The following CATSPERB variants were observed in gnomAD, a reference collection of about 807,000 sequenced individuals.
The protein encoded by CATSPERB is catsper channel auxiliary subunit beta, also known as cation channel sperm-associated auxiliary subunit beta.
In CATSPERB, 93 loss-of-function variants were observed where a neutral mutation model predicts 128.3. The observed-to-expected ratio is 0.72, with a 90% CI of 0.61 to 0.86. The LOEUF is 0.86. Ranked by LOEUF, CATSPERB falls within the 40% of genes least tolerant of loss-of-function variation. The probability of loss-of-function intolerance (pLI) is 0.00; values close to 1 mark genes in which losing one functional copy is unlikely to be tolerated. For missense variants in CATSPERB, 1,153 were observed against 1,329.5 expected, an observed-to-expected ratio of 0.87 and a Z score of 2.06; for synonymous variants, 381 against 448.8, an observed-to-expected ratio of 0.85 and a Z score of 1.91.
chr14:91,605,456 A>C, intron 22 of CATSPERB: 1 of 456,656 alleles, frequency 2.2e-6, no homozygotes, highest in Non-Finnish European at 3.9e-6. Flanking sequence ...GTTGGGATGA[A>C]GTGAGTCGCC....
At chr14:91,600,981 G>T (rs879521228) in intron 22 of CATSPERB, among the ~76,000 whole-genome samples, 5 of 152,342 alleles carry the variant, frequency 3.3e-5, no homozygotes, top group Admixed American at 3.3e-4. Flanking sequence ...ATATTGATAA[G>T]ATTTCTGAGA....
chr14:91,660,586 A>G (rs1190227617), intron 14 of CATSPERB, among the ~76,000 whole-genome samples: 2 of 152,232 alleles, frequency 1.3e-5, no homozygotes, highest in Non-Finnish European at 2.9e-5. Context: ...TCAATTCTGT[A>G]TTATGATTCC....
chr14:91,581,493 C>T (rs1214015239), intron 26 of CATSPERB, among the ~76,000 whole-genome samples: 2 of 152,192 alleles, frequency 1.3e-5, no homozygotes, highest in African/African-American at 4.8e-5. Context: ...TGGATCATGA[C>T]GAATAAGTAG....
chr14:91,720,671 C>A (rs1220032687), intron 4 of CATSPERB, among the ~76,000 whole-genome samples: 1 of 152,104 alleles, frequency 6.6e-6, no homozygotes, highest in Non-Finnish European at 1.5e-5. Context: ...AATGTATCTA[C>A]AGATTCAATA....
intron 17 of CATSPERB, among the ~76,000 whole-genome samples, chr14:91,635,196 G>T (rs1037786975): frequency 1.3e-5 from 2 of 151,958 alleles, no homozygotes; most frequent in African/African-American, 4.8e-5. Flanking sequence ...CCTACCAAGG[G>T]CCCCACCTCC....
chr14:91,604,841 T>G, intron 22 of CATSPERB: 1 of 1,506,000 alleles, frequency 6.6e-7, no homozygotes, highest in Admixed American at 1.7e-5. Flanking sequence ...ATTGCTATTC[T>G]TTGGCCAGTT....
At chr14:91,665,061 T>A (rs1894958964) in intron 14 of CATSPERB, among the ~76,000 whole-genome samples, 1 of 151,856 alleles carries the variant, frequency 6.6e-6, no homozygotes, top group South Asian at 2.1e-4. Flanking sequence ...GGATAATTTT[T>A]TTTTATTTTT....
At chr14:91,613,382 T>C (rs964568419) in intron 20 of CATSPERB, among the ~76,000 whole-genome samples, 1 of 152,138 alleles carries the variant, frequency 6.6e-6, no homozygotes, top group African/African-American at 2.4e-5. Context: ...TTGAAAGGAT[T>C]AGAACATACA....
At chr14:91,629,794 A>G (rs1318255357) in intron 17 of CATSPERB, among the ~76,000 whole-genome samples, 2 of 152,180 alleles carry the variant, frequency 1.3e-5, no homozygotes, top group Non-Finnish European at 2.9e-5. Context: ...TCTTCCTACT[A>G]TTGCACATGG....
At chr14:91,687,263 TA>T (rs1039584483) in intron 10 of CATSPERB, among the ~76,000 whole-genome samples, 2 of 152,214 alleles carry the variant, frequency 1.3e-5, no homozygotes, top group African/African-American at 4.8e-5. Context: ...TTGAACATCA[TA>T]ATTTTTAGGT....
At chr14:91,611,240 C>T (rs1026701483) in intron 20 of CATSPERB, among the ~76,000 whole-genome samples, 2 of 152,098 alleles carry the variant, frequency 1.3e-5, no homozygotes, top group African/African-American at 4.8e-5. Flanking sequence ...TAATAGAAAA[C>T]ATATTCTTTT....
At chr14:91,657,458 G>A (rs1894807022) in intron 15 of CATSPERB, among the ~76,000 whole-genome samples, 1 of 151,950 alleles carries the variant, frequency 6.6e-6, no homozygotes, top group South Asian at 2.1e-4. Flanking sequence ...CATTAATCTA[G>A]GCAAAGATTT....
intron 11 of CATSPERB, among the ~76,000 whole-genome samples, chr14:91,677,666 A>G (rs1166822163): frequency 1.3e-5 from 2 of 152,374 alleles, no homozygotes; most frequent in Non-Finnish European, 2.9e-5. Context: ...TCAAGGATCT[A>G]GAACCAGAAA....
At chr14:91,692,605 T>G (rs1354070927) in intron 9 of CATSPERB, among the ~76,000 whole-genome samples, 1 of 152,178 alleles carries the variant, frequency 6.6e-6, no homozygotes, top group Admixed American at 6.5e-5. Context: ...TCCCTCTATC[T>G]TTTCTCCTAC....
chr14:91,612,598 T>G (rs145862577), intron 20 of CATSPERB, among the ~76,000 whole-genome samples: 35 of 152,356 alleles, frequency 2.3e-4, no homozygotes, highest in Middle Eastern at 3.4e-3. Context: ...AGCAGTGCAA[T>G]TCAATAAATT....
At chr14:91,608,985 C>T (rs1215394160) in intron 21 of CATSPERB, among the ~76,000 whole-genome samples, 1 of 151,818 alleles carries the variant, frequency 6.6e-6, no homozygotes, top group Non-Finnish European at 1.5e-5. Flanking sequence ...AATATAAAGT[C>T]GATTAATATA....
intron 11 of CATSPERB, among the ~76,000 whole-genome samples, chr14:91,680,815 C>T (rs1895267379): frequency 6.6e-6 from 1 of 152,112 alleles, no homozygotes; most frequent in African/African-American, 2.4e-5. Flanking sequence ...ACTGAACAAA[C>T]CCTCCCCCTT....
At chr14:91,664,896 T>TTG (rs903760399) in intron 14 of CATSPERB, among the ~76,000 whole-genome samples, 4 of 152,144 alleles carry the variant, frequency 2.6e-5, no homozygotes, top group African/African-American at 9.7e-5. Context: ...AAATTGATTT[T>TTG]TGTGTGTGTG....
At chr14:91,604,014 G>C (rs1014921315) in intron 22 of CATSPERB, among the ~76,000 whole-genome samples, 6 of 124,618 alleles carry the variant, frequency 4.8e-5, no homozygotes, top group Admixed American at 1.8e-4. Context: ...CTCTCTGTCT[G>C]TCTCTCTCTC....
Sources: allele counts gnomAD v4.1 joint callset (sites outside exome capture counted in the v4.1 genomes callset), GRCh38; gene constraint gnomAD v4.1.1; transcripts MANE v1.5; gene names NCBI Gene and HGNC (gene_info 2026-07-23, HGNC 2026-07-21).